The following ZNF793 variants were observed in gnomAD, a reference collection of about 807,000 sequenced individuals.
The protein encoded by ZNF793 is zinc finger protein 793.
ZNF793 carries 5 observed loss-of-function variants against 12.4 expected under a neutral mutation model. That is an observed-to-expected ratio of 0.40 (90% CI 0.21 to 0.84). The LOEUF (loss-of-function observed/expected upper bound fraction) is 0.84. ZNF793 is among the 40% of genes least tolerant of loss of function. The pLI is 0.35. For synonymous variants in ZNF793, 162 were observed against 172.4 expected (o/e 0.94, Z 0.47); for missense variants, 456 against 495.0 (o/e 0.92, Z 0.75).
chr19:37,527,446 A>G (rs191551631), intron 5 of ZNF793, among the ~76,000 whole-genome samples: 29 of 152,358 alleles, frequency 1.9e-4, no homozygotes, highest in African/African-American at 6.3e-4. Flanking sequence ...TAATGGTATT[A>G]TGTGCCAGGC....
At chr19:37,522,765 G>T (rs2042385512) in intron 4 of ZNF793, 118 bp downstream of exon 4, 1 of 152,144 alleles carries the variant, frequency 6.6e-6, no homozygotes, top group African/African-American at 2.4e-5. Flanking sequence ...ACCCTTCACA[G>T]TGCATTATAT....
chr19:37,536,353 T>C, intron 7 of ZNF793: 1 of 398,452 alleles, frequency 2.5e-6, no homozygotes, highest in East Asian at 3.6e-5. Context: ...GGCGGTGCCT[T>C]AGATTCTGCA....
intron 2 of ZNF793, among the ~76,000 whole-genome samples, chr19:37,518,877 T>G (rs1274797870): frequency 6.6e-6 from 1 of 152,150 alleles, no homozygotes; most frequent in Non-Finnish European, 1.5e-5. Context: ...GAGATGAACA[T>G]CCTTGTACCT....
chr19:37,537,983 C>T lies in ZNF793; in HGVS notation c.*104C>T. ...CTGGAGTGCAGTGGCGCGATCTCGG[C>T]TTACTGCAAGCTCTGCCTCCCGGGT... On this transcript the variant is annotated 3_prime_UTR_variant, in exon 8 of 8. Coordinates refer to ENST00000627814, the MANE Select transcript of ZNF793 (RefSeq NM_001013659.3). 7.5e-7 allele frequency: 1 copy of T among 1,336,638 alleles called. No individual in the cohort carries two copies. Among genetic ancestry groups the T allele is most frequent in the South Asian group, 1.6e-5 (1 of 63,206 alleles). 82.8% of individuals were successfully genotyped at this position (1,336,638 alleles called of 1,614,324 possible). A position where few individuals can be genotyped will look rare whatever the true frequency, so the allele number is the denominator to read the frequency against.
chr19:37,529,557 A>G lies in ZNF793; in HGVS notation c.16-2799A>G, dbSNP rs563724045. ...ACCCAGGGTAGAGTACAGTGGCACT[A>G]TCTGGGCTCACTGAAACCTCTGCCT... On this transcript the variant is annotated intron_variant, in intron 5 of 7. Transcript: ENST00000627814. Among the ~76,000 whole-genome samples, 6 of 152,240 alleles carry G rather than the reference A, an allele frequency of 3.9e-5. No homozygotes were observed. In the East Asian group the frequency reaches 1.2e-3, roughly 29 times the overall value.
At chr19:37,517,861 ATTG>A (rs1250452094) in intron 2 of ZNF793, among the ~76,000 whole-genome samples, 2 of 151,338 alleles carry the variant, frequency 1.3e-5, no homozygotes, top group Admixed American at 6.6e-5. Context: ...ACATTTTGTT[ATTG>A]TTATTATTGC....
chr19:37,513,503 C>T (rs1568785798), intron 2 of ZNF793, among the ~76,000 whole-genome samples: 1 of 152,140 alleles, frequency 6.6e-6, no homozygotes, highest in Non-Finnish European at 1.5e-5. Flanking sequence ...CCTTCTGAAT[C>T]ACAAAGAAAA....
chr19:37,541,014 A>C lies in ZNF793; in HGVS notation c.*3135A>C, dbSNP rs569536490. On this transcript the variant is annotated 3_prime_UTR_variant, in exon 8 of 8. Coordinates refer to ENST00000627814, the MANE Select transcript of ZNF793 (RefSeq NM_001013659.3). ...ATGCCATGCTAGATACCAGAAGATA[A>C]CATGAAGCCATTCTAATGAAATTAA... is the stretch of plus-strand genomic sequence containing the variant. The C allele has an allele frequency of 4.6e-5, 7 of 152,220 alleles. No individual in the cohort carries two copies. The East Asian group carries it at 1.3e-3, about 29-fold the overall frequency. 9.4% of individuals were successfully genotyped at this position (152,220 alleles called of 1,614,324 possible).
chr19:37,530,264 C>G (rs1177548843), intron 5 of ZNF793, among the ~76,000 whole-genome samples: 2 of 152,068 alleles, frequency 1.3e-5, no homozygotes, highest in Non-Finnish European at 2.9e-5. Flanking sequence ...TGCCCAGGGA[C>G]GGGCAGGAGA....
intron 2 of ZNF793, among the ~76,000 whole-genome samples, chr19:37,516,491 A>T (rs971666687): frequency 6.6e-6 from 1 of 151,934 alleles, no homozygotes; most frequent in Non-Finnish European, 1.5e-5. Flanking sequence ...TCTATATGGT[A>T]AAATATGGCT....
rs1479630779 is a variant in ZNF793 at position 37,541,349 on chromosome 19, T to G, written c.*3470T>G. 1 of 152,218 alleles carries G rather than the reference T, an allele frequency of 6.6e-6. No homozygotes were observed. Among genetic ancestry groups the G allele is most frequent in the African/African-American group, 2.4e-5 (1 of 41,462 alleles). 9.4% of individuals were successfully genotyped at this position (152,218 alleles called of 1,614,324 possible). On this transcript the variant is annotated 3_prime_UTR_variant, in exon 8 of 8. Transcript: ENST00000627814. ...AATCTAGGAGTTGGGAGATATTAACTTTACCAACACAGGACACTCAGAAGC... is the reference window on the plus strand; with the variant it reads ...AATCTAGGAGTTGGGAGATATTAACGTTACCAACACAGGACACTCAGAAGC...
chr19:37,526,507 G>A (rs1009975581), intron 5 of ZNF793, among the ~76,000 whole-genome samples: 2 of 152,158 alleles, frequency 1.3e-5, no homozygotes, highest in African/African-American at 4.8e-5. Context: ...GGGAAATATT[G>A]ACCCAGAGCC....
intron 5 of ZNF793, among the ~76,000 whole-genome samples, chr19:37,524,889 C>T (rs1332707661): frequency 3.3e-5 from 5 of 152,036 alleles, no homozygotes; most frequent in African/African-American, 7.2e-5. Context: ...CTAATAAATC[C>T]GAAATAGGTT....
chr19:37,515,734 C>A (rs2042326979), intron 2 of ZNF793, among the ~76,000 whole-genome samples: 1 of 152,152 alleles, frequency 6.6e-6, no homozygotes, highest in South Asian at 2.1e-4. Context: ...TGTGTGAAAG[C>A]ATAAAACATT....
intron 7 of ZNF793, chr19:37,534,778 C>T (rs1297822284): frequency 6.6e-6 from 1 of 150,928 alleles, no homozygotes; most frequent in Non-Finnish European, 1.5e-5. Flanking sequence ...ACCTCCTGGG[C>T]TCAAGCGATC....
chr19:37,532,258 C>A, intron 5 of ZNF793, 98 bp from the exon 6 acceptor site: 1 of 1,390,194 alleles, frequency 7.2e-7, no homozygotes, highest in Non-Finnish European at 9.9e-7. Context: ...CCCACCTTGG[C>A]CTCCCAAAGT....
At chr19:37,524,152 A>T (rs1440878160) in intron 5 of ZNF793, among the ~76,000 whole-genome samples, 1 of 138,950 alleles carries the variant, frequency 7.2e-6, no homozygotes, top group Non-Finnish European at 1.5e-5. Flanking sequence ...CTCCATCTCA[A>T]AATAATAATA....
intron 2 of ZNF793, among the ~76,000 whole-genome samples, chr19:37,515,456 C>T (rs192422436): frequency 8.2e-4 from 125 of 152,084 alleles, no homozygotes; most frequent in African/African-American, 2.1e-3. Flanking sequence ...CACAGGTGCC[C>T]GCCACCCCAC....
intron 2 of ZNF793, among the ~76,000 whole-genome samples, chr19:37,514,889 G>C (rs2042319452): frequency 6.6e-6 from 1 of 152,138 alleles, no homozygotes; most frequent in African/African-American, 2.4e-5. Context: ...GAATACCATA[G>C]CCGCCTCATA....
Sources: gnomAD v4.1 joint callset for allele counts (sites outside exome capture counted in the v4.1 genomes callset) on GRCh38, gnomAD v4.1.1 for gene constraint, MANE v1.5 for transcripts, NCBI Gene and HGNC (gene_info 2026-07-23, HGNC 2026-07-21) for gene names.